The following DPYD variants were observed in gnomAD, a reference collection of about 807,000 sequenced individuals.
The protein encoded by DPYD is dihydropyrimidine dehydrogenase [NADP(+)].
DPYD carries 109 observed loss-of-function variants against 116.2 expected under a neutral mutation model. The ratio of observed to expected loss-of-function variants is 0.94; its 90% CI spans 0.80 to 1.10. DPYD has a LOEUF of 1.10. DPYD is among the 50% of genes least tolerant of loss of function. The probability of loss-of-function intolerance (pLI) is 0.00; values close to 1 mark genes in which losing one functional copy is unlikely to be tolerated. For missense variants in DPYD, 1,302 were observed against 1,254.5 expected (o/e 1.04, Z -0.57); for synonymous variants, 440 against 432.0 (o/e 1.02, Z -0.23).
chr1:97,840,289 G>C (rs1248528957), intron 2 of DPYD, among the ~76,000 whole-genome samples: 7 of 151,978 alleles, frequency 4.6e-5, no homozygotes, highest in African/African-American at 1.7e-4. Context: ...AACGAAATAG[G>C]AGTAATTTTT....
At chr1:97,219,686 T>C (rs1436380552) in intron 19 of DPYD, among the ~76,000 whole-genome samples, 1 of 152,092 alleles carries the variant, frequency 6.6e-6, no homozygotes. Context: ...ATGAACAAGA[T>C]GCCATGGAAG....
chr1:97,844,278 G>C lies in DPYD; in HGVS notation c.151-16082C>G, dbSNP rs72979725. On this transcript the variant is annotated intron_variant, in intron 2 of 22. Transcript: ENST00000370192. ...CTGGCACACAGCTCCTATAAGCTTT[G>C]TAATCTCAGAAGTCGTAAGTGTCTT... 8.2e-3 allele frequency among the ~76,000 whole-genome samples: 1,253 copies of C among 152,276 alleles called. 23 individuals are homozygous for C. Among genetic ancestry groups the C allele is most frequent in the African/African-American group, 0.028 (1,178 of 41,542 alleles).
intron 19 of DPYD, among the ~76,000 whole-genome samples, chr1:97,206,638 T>TTATATATA (rs57893705): frequency 1.4e-3 from 71 of 48,970 alleles, no homozygotes; most frequent in Non-Finnish European, 3.1e-3. Context: ...CAGGGAGATT[T>TTATATATA]TATATATATA....
intron 3 of DPYD, among the ~76,000 whole-genome samples, chr1:97,777,428 T>C (rs1363547154): frequency 2.0e-5 from 3 of 152,184 alleles, no homozygotes; most frequent in Non-Finnish European, 2.9e-5. Flanking sequence ...GTTGCTTACT[T>C]ATTAGCAAAT....
chr1:97,776,329 T>A (rs1308782365), intron 3 of DPYD, among the ~76,000 whole-genome samples: 2 of 152,164 alleles, frequency 1.3e-5, no homozygotes, highest in Non-Finnish European at 2.9e-5. Flanking sequence ...AAAGAAGTCA[T>A]GCTTTCATGA....
intron 13 of DPYD, among the ~76,000 whole-genome samples, chr1:97,480,060 T>C (rs1678212235): frequency 1.3e-5 from 2 of 152,230 alleles, no homozygotes; most frequent in African/African-American, 4.8e-5. Flanking sequence ...GAAAAATATA[T>C]TTCTCAGTAG....
At chr1:97,694,423 G>A (rs1156781753) in intron 6 of DPYD, among the ~76,000 whole-genome samples, 1 of 152,174 alleles carries the variant, frequency 6.6e-6, no homozygotes, top group African/African-American at 2.4e-5. Flanking sequence ...AGGAGGGAAG[G>A]CTTATTGTGG....
intron 13 of DPYD, among the ~76,000 whole-genome samples, chr1:97,461,393 G>C (rs1161211429): frequency 6.6e-6 from 1 of 152,108 alleles, no homozygotes; most frequent in Non-Finnish European, 1.5e-5. Context: ...GGAAAACAGA[G>C]GGAAAGCATA....
intron 20 of DPYD, among the ~76,000 whole-genome samples, chr1:97,120,276 C>G (rs1652323159): frequency 6.6e-6 from 1 of 152,116 alleles, no homozygotes; most frequent in Non-Finnish European, 1.5e-5. Flanking sequence ...AATGAGGTTT[C>G]ATCTTAATCT....
chr1:97,090,591 A>C (rs1299116772), intron 21 of DPYD, among the ~76,000 whole-genome samples: 2 of 152,204 alleles, frequency 1.3e-5, no homozygotes, highest in African/African-American at 4.8e-5. Flanking sequence ...TTCCACAATT[A>C]CCCAAGGCAG....
At chr1:97,522,717 C>CAAA (rs34950626) in intron 12 of DPYD, among the ~76,000 whole-genome samples, 2 of 138,118 alleles carry the variant, frequency 1.4e-5, no homozygotes, top group African/African-American at 5.3e-5. Context: ...GACTCTGTCT[C>CAAA]AAAAAAAAAA....
intron 1 of DPYD, 58 bp from the exon 2 acceptor site, chr1:97,883,432 CTTATTTTTATT>C: frequency 1.6e-6 from 2 of 1,241,810 alleles, no homozygotes; most frequent in East Asian, 2.4e-5. Flanking sequence ...TTTGTTTAAA[CTTATTTTTATT>C]TTATTTTTAT....
chr1:97,581,600 G>T (rs1417793803), intron 10 of DPYD, among the ~76,000 whole-genome samples: 1 of 151,424 alleles, frequency 6.6e-6, no homozygotes, highest in Non-Finnish European at 1.5e-5. Context: ...TAAAAAATTT[G>T]CCAGGTATGG....
intron 4 of DPYD, among the ~76,000 whole-genome samples, chr1:97,736,860 G>T (rs1663978288): frequency 1.4e-5 from 2 of 146,998 alleles, no homozygotes; most frequent in South Asian, 4.4e-4. Flanking sequence ...TTGTGTGTGT[G>T]TGTGTGTGTG....
intron 19 of DPYD, among the ~76,000 whole-genome samples, chr1:97,204,763 C>G (rs997408638): frequency 6.6e-6 from 1 of 151,920 alleles, no homozygotes; most frequent in Non-Finnish European, 1.5e-5. Flanking sequence ...TTCCAAAATG[C>G]TCCGTCACTT....
chr1:97,830,180 G>T (rs1173365923), intron 2 of DPYD, among the ~76,000 whole-genome samples: 2 of 152,200 alleles, frequency 1.3e-5, no homozygotes, highest in South Asian at 4.1e-4. Context: ...CCAAGTCTTT[G>T]CCATTGTGAA....
intron 3 of DPYD, among the ~76,000 whole-genome samples, chr1:97,791,027 T>G (rs1349639718): frequency 6.6e-6 from 1 of 152,208 alleles, no homozygotes; most frequent in Non-Finnish European, 1.5e-5. Context: ...AGGCAGTTGG[T>G]TCATCCAAAG....
intron 13 of DPYD, among the ~76,000 whole-genome samples, chr1:97,480,457 T>C (rs761891374): frequency 2.0e-5 from 3 of 152,256 alleles, no homozygotes; most frequent in South Asian, 4.1e-4. Context: ...AGGAAGTCAA[T>C]AGAAAATGTT....
intron 3 of DPYD, among the ~76,000 whole-genome samples, chr1:97,741,665 A>G (rs1231878548): frequency 3.9e-5 from 6 of 152,208 alleles, no homozygotes; most frequent in Non-Finnish European, 8.8e-5. Context: ...ATTACATAGC[A>G]GACCCTGGGA....
Sources: allele counts gnomAD v4.1 joint callset (sites outside exome capture counted in the v4.1 genomes callset), GRCh38; gene constraint gnomAD v4.1.1; transcripts MANE v1.5; gene names NCBI Gene and HGNC (gene_info 2026-07-23, HGNC 2026-07-21).